SAMD4B: variants seen among roughly 807,000 people sequenced by gnomAD.
The protein encoded by SAMD4B is sterile alpha motif domain containing 4B, also known as protein Smaug homolog 2.
SAMD4B carries 5 observed loss-of-function variants against 74.5 expected under a neutral mutation model. The ratio of observed to expected loss-of-function variants is 0.07; its 90% confidence interval spans 0.04 to 0.14. The LOEUF (loss-of-function observed/expected upper bound fraction) is 0.14, where lower values mean the gene tolerates loss of function less well. Among genes scored for constraint, SAMD4B ranks in the 10% least tolerant of loss-of-function variants. The pLI is 1.00. For synonymous variants in SAMD4B, 373 were observed against 374.9 expected (o/e 1.00, Z 0.06); for missense variants, 608 against 921.8 (o/e 0.66, Z 4.41).
At chr19:39,371,952 A>G (rs1297271714) in intron 4 of SAMD4B, among the ~76,000 whole-genome samples, 2 of 152,158 alleles carry the variant, frequency 1.3e-5, no homozygotes, top group Non-Finnish European at 2.9e-5. Flanking sequence ...CTACTATGCT[A>G]CACTACCTCC....
chr19:39,367,514 T>G (rs928713151), intron 3 of SAMD4B, among the ~76,000 whole-genome samples: 1 of 144,976 alleles, frequency 6.9e-6, no homozygotes, highest in African/African-American at 2.6e-5. Context: ...TTTCTTTTTT[T>G]TTTTTTTTTT....
In SAMD4B at chr19:39,377,698, G is replaced by A. The variant is rs138229167; in HGVS notation, c.1318G>A (p.Asp440Asn). 3 of 1,614,116 alleles carry A rather than the reference G, an allele frequency of 1.9e-6. No individual in the cohort carries two copies. In the African/African-American group the frequency reaches 4.0e-5, roughly 22 times the overall value. The change falls in exon 8 of 14, where the codon GAC becomes AAC. Residue 440 changes from aspartate to asparagine, a missense_variant. Asp to Asn is a conservative substitution (Grantham distance 23). Transcript: ENST00000610417. ...PGTDKGTEAK[D>N]PPAVENYPPP... Reference sequence around the variant, plus strand: ...CACAGACAAAGGCACCGAGGCCAAGGACCCTCCAGCTGTGGAGAACTACCC... The same window carrying A: ...CACAGACAAAGGCACCGAGGCCAAGAACCCTCCAGCTGTGGAGAACTACCC...
intron 3 of SAMD4B, 55 bp from the exon 4 acceptor site, chr19:39,369,600 G>A (rs538495195): frequency 1.1e-5 from 16 of 1,446,814 alleles, no homozygotes; most frequent in Admixed American, 5.5e-5. Context: ...GCTCTCAGGT[G>A]AATAGGAGTA....
intron 3 of SAMD4B, among the ~76,000 whole-genome samples, chr19:39,362,549 G>T (rs2076717334): frequency 6.6e-6 from 1 of 152,180 alleles, no homozygotes; most frequent in African/African-American, 2.4e-5. Flanking sequence ...GAACAGGGAA[G>T]AAGAGGTCCC....
Position 39,342,464 on chromosome 19 carries a change from CGGT to C in SAMD4B, c.-375_-373del, listed in dbSNP as rs1346424891. 11 of 176,212 alleles carry C rather than the reference CGGT, an allele frequency of 6.2e-5. No individual in the cohort carries two copies. The highest frequency in any genetic ancestry group is 1.1e-4 in the Non-Finnish European group (10 of 87,886). The allele number at this position is 176,212 out of a possible 1,614,324, so 10.9% of individuals were successfully genotyped here. A position where few individuals can be genotyped will look rare whatever the true frequency, so the allele number is the denominator to read the frequency against. On this transcript the variant is annotated 5_prime_UTR_variant, in exon 1 of 14. Transcript: ENST00000610417. ...GCGACGGCGGCGGCGGCGGCGGCGGCGGTGGTCGGTGCGGGAGGAGGGAGGGGA... is the reference window on the plus strand; with the variant it reads ...GCGACGGCGGCGGCGGCGGCGGCGGCGGTCGGTGCGGGAGGAGGGAGGGGA...
chr19:39,387,138 A>G (rs954903685), downstream of SAMD4B: 2 of 435,382 alleles, frequency 4.6e-6, no homozygotes, highest in Non-Finnish European at 8.8e-6. Flanking sequence ...ACAAACGTAC[A>G]TAGTATAGCC....
At chr19:39,385,948 C>T, downstream of SAMD4B, 1 of 1,608,034 alleles carries the variant, frequency 6.2e-7, no homozygotes, top group Non-Finnish European at 8.5e-7. Context: ...TGCTTTGCTG[C>T]TCACAATAAT....
chr19:39,385,842 G>T, downstream of SAMD4B: 1 of 1,173,934 alleles, frequency 8.5e-7, no homozygotes, highest in Non-Finnish European at 1.2e-6. Context: ...ATAGGGGCTG[G>T]GAGGGGAAGT....
intron 3 of SAMD4B, chr19:39,369,148 C>T (rs2077144989): frequency 6.4e-6 from 1 of 155,946 alleles, no homozygotes. Flanking sequence ...AATTACTCTA[C>T]ACCAGCTGTG....
chr19:39,390,269 A>G, downstream of SAMD4B: 1 of 1,613,658 alleles, frequency 6.2e-7, no homozygotes, highest in Non-Finnish European at 8.5e-7. Context: ...CCTCTCAGGC[A>G]GAGTCCGGTG....
chr19:39,374,799 C>T (rs1159390960), intron 4 of SAMD4B, among the ~76,000 whole-genome samples: 2 of 152,150 alleles, frequency 1.3e-5, no homozygotes, highest in African/African-American at 4.8e-5. Context: ...CCAGATCGTG[C>T]CACTGCACTC....
chr19:39,368,438 G>C (rs2077101356), intron 3 of SAMD4B, among the ~76,000 whole-genome samples: 2 of 152,158 alleles, frequency 1.3e-5, no homozygotes, highest in African/African-American at 4.8e-5. Context: ...GTGGAGCTTG[G>C]ATAAATACAT....
intron 3 of SAMD4B, among the ~76,000 whole-genome samples, chr19:39,361,781 G>C (rs62119695): frequency 0.012 from 1,826 of 149,622 alleles, 11 homozygotes; most frequent in Non-Finnish European, 0.019. Context: ...AAAATTAACC[G>C]GACATGGTGG....
At chr19:39,350,057 A>G (rs922812652) in intron 1 of SAMD4B, 4 of 152,186 alleles carry the variant, frequency 2.6e-5, no homozygotes, top group Non-Finnish European at 4.4e-5. Context: ...TCATATATGT[A>G]TGTTATATAT....
At chr19:39,370,844 A>G (rs543995616) in intron 4 of SAMD4B, among the ~76,000 whole-genome samples, 31 of 152,344 alleles carry the variant, frequency 2.0e-4, no homozygotes, top group African/African-American at 7.5e-4. Flanking sequence ...TCACAACCGT[A>G]TCATTAGCCC....
chr19:39,383,689 A>G lies in SAMD4B; in HGVS notation c.*162A>G. On this transcript the variant is annotated 3_prime_UTR_variant, in exon 14 of 14. Transcript: ENST00000610417. This position sits in a 1 kb window ranked among gnomAD's most constrained non-coding sequence, Gnocchi z 4.1. ...CTTAACTTTTGTTTAACATTGGCAC[A>G]TGCCTTGCTCACTCCCAGGCCCGTC... 2 of 1,547,884 alleles carry G rather than the reference A, an allele frequency of 1.3e-6. No individual in the cohort carries two copies. The highest frequency in any genetic ancestry group is 8.7e-7 in the Non-Finnish European group (1 of 1,151,706).
intron 6 of SAMD4B, 23 bp from the exon 7 acceptor site, chr19:39,376,682 G>T: frequency 6.2e-7 from 1 of 1,611,348 alleles, no homozygotes; most frequent in Non-Finnish European, 8.5e-7. Context: ...CTAGCTTCCT[G>T]TCCCCTTCTG....
downstream of SAMD4B, chr19:39,386,254 G>A (rs372233865): frequency 1.2e-6 from 2 of 1,614,084 alleles, no homozygotes; most frequent in Non-Finnish European, 1.7e-6. The surrounding 1 kb of genome is among the most constrained non-coding windows in gnomAD (Gnocchi z 6.1). Flanking sequence ...CGGGCAGCCC[G>A]GGCCTCATCC....
rs2078151056 is a variant in SAMD4B at position 39,383,837 on chromosome 19, C to T, written c.*310C>T. ...CCCACCTGGTCCCATCCCACCCCTG[C>T]CTCCTCCAGACCGCTGACCACCTGC... On this transcript the variant is annotated 3_prime_UTR_variant, in exon 14 of 14. Coordinates refer to ENST00000610417, the MANE Select transcript of SAMD4B (RefSeq NM_001384574.2). This position sits in a 1 kb window ranked among gnomAD's most constrained non-coding sequence, Gnocchi z 4.1. 1.1e-6 allele frequency: 1 copy of T among 936,374 alleles called. No individual in the cohort carries two copies. Among genetic ancestry groups the T allele is most frequent in the Non-Finnish European group, 1.6e-6 (1 of 625,970 alleles). The allele number at this position is 936,374 out of a possible 1,614,324, so 58.0% of individuals were successfully genotyped here. A position where few individuals can be genotyped will look rare whatever the true frequency, so the allele number is the denominator to read the frequency against.
Sources: gnomAD v4.1 joint callset for allele counts (sites outside exome capture counted in the v4.1 genomes callset) on GRCh38, gnomAD v4.1.1 for gene constraint, Gnocchi (gnomAD v3.1) non-coding constraint, MANE v1.5 for transcripts, NCBI Gene and HGNC (gene_info 2026-07-23, HGNC 2026-07-21) for gene names.